The following WDR82 variants were observed in gnomAD, a reference collection of about 807,000 sequenced individuals.
The protein encoded by WDR82 is WD repeat-containing protein 82.
Under a neutral mutation model 36.1 loss-of-function variants are expected in WDR82, and 8 were observed. The ratio of observed to expected loss-of-function variants is 0.22; its 90% CI spans 0.13 to 0.40. The LOEUF is 0.40. Among genes scored for constraint, WDR82 ranks in the 10% least tolerant of loss-of-function variants. WDR82 has a pLI of 1.00. For missense variants in WDR82, 185 were observed against 400.5 expected (o/e 0.46, Z 4.59); for synonymous variants, 129 against 137.8 (o/e 0.94, Z 0.45).
chr3:52,270,593 T>C lies in WDR82; in HGVS notation c.259+119A>G, dbSNP rs1042170369. ...GTCAAAACAATGCAATTAACATTACTAACATTATATGAAAATACTTAAACT... is the reference window on the plus strand; with the variant it reads ...GTCAAAACAATGCAATTAACATTACCAACATTATATGAAAATACTTAAACT... On this transcript the variant is annotated intron_variant, in intron 2 of 8. Coordinates refer to ENST00000296490, the MANE Select transcript of WDR82 (RefSeq NM_025222.4). The C allele has an allele frequency of 3.6e-5, 28 of 778,948 alleles. No homozygotes were observed. The African/African-American group carries it at 4.8e-4, about 13-fold the overall frequency. 48.3% of individuals were successfully genotyped at this position (778,948 alleles called of 1,614,324 possible).
chr3:52,259,180 G>A lies in WDR82; in HGVS notation c.769+17C>T, dbSNP rs746424098. 5 of 1,611,918 alleles carry A rather than the reference G, an allele frequency of 3.1e-6. No individual in the cohort carries two copies. The South Asian group carries it at 5.5e-5, about 18-fold the overall frequency. ...TACCAGAGAAATAACCCCCACAGGGGATAAAAGGAAACTCACCAATCATAA... is the reference window on the plus strand; with the variant it reads ...TACCAGAGAAATAACCCCCACAGGGAATAAAAGGAAACTCACCAATCATAA... On this transcript the variant is annotated intron_variant, in intron 7 of 8. Coordinates refer to ENST00000296490, the MANE Select transcript of WDR82 (RefSeq NM_025222.4).
intron 2 of WDR82, among the ~76,000 whole-genome samples, chr3:52,270,402 G>A (rs561022032): frequency 6.6e-6 from 1 of 152,210 alleles, no homozygotes; most frequent in South Asian, 2.1e-4. Flanking sequence ...ATAGGCGCGA[G>A]CCCCTACGCC....
In WDR82 at chr3:52,255,259, C is replaced by T. The variant is rs1206336812; in HGVS notation, c.*2231G>A. ...GCCCAGCCTTGAGGTGGCATGTTTT[C>T]AAAGAACATGGTGCTCAGTTTTGGA... On this transcript the variant is annotated 3_prime_UTR_variant, in exon 9 of 9. Transcript: ENST00000296490. 1 of 25,352 alleles carries T rather than the reference C, an allele frequency of 3.9e-5. No individual in the cohort carries two copies. Among genetic ancestry groups the T allele is most frequent in the African/African-American group, 1.5e-4 (1 of 6,478 alleles). The allele number at this position is 25,352 out of a possible 1,614,324, so 1.6% of individuals were successfully genotyped here. A position where few individuals can be genotyped will look rare whatever the true frequency, so the allele number is the denominator to read the frequency against.
intron 2 of WDR82, chr3:52,267,833 A>G (rs982433247): frequency 1.3e-5 from 2 of 153,238 alleles, no homozygotes; most frequent in African/African-American, 4.8e-5. Flanking sequence ...GCAAAATAGA[A>G]AAGTATTATC....
intron 2 of WDR82, chr3:52,267,395 T>C: frequency 4.9e-6 from 1 of 203,250 alleles, no homozygotes; most frequent in South Asian, 7.1e-5. Context: ...TGGCAAACCT[T>C]AAAGAAAAAT....
rs868429404 is a variant in WDR82 at position 52,260,481 on chromosome 3, C to T, written c.447G>A (p.Gly149=). The change falls in exon 5 of 9, where the codon GGG becomes GGA. Residue 149 remains glycine, a synonymous_variant. Transcript: ENST00000296490. Reference sequence around the variant, plus strand: ...CTGGATCAAAAGAACAAACTGGCTTCCCCTGCAGATGCATGAGGCCCTAAG... The same window carrying T: ...CTGGATCAAAAGAACAAACTGGCTTTCCCTGCAGATGCATGAGGCCCTAAG... ...PNCQGLMHLQ[G]KPVCSFDPEG... The T allele has an allele frequency of 1.3e-6, 2 of 1,588,996 alleles. No homozygotes were observed. Among genetic ancestry groups the T allele is most frequent in the Middle Eastern group, 3.3e-4 (2 of 5,988 alleles).
chr3:52,267,191 G>A, intron 2 of WDR82, 173 bp from the exon 3 acceptor site: 1 of 454,334 alleles, frequency 2.2e-6, no homozygotes, highest in Non-Finnish European at 4.0e-6. Flanking sequence ...TGGGTATGTA[G>A]ATTTCACCTA....
chr3:52,259,605 C>A, intron 6 of WDR82, 112 bp downstream of exon 6: 1 of 1,290,800 alleles, frequency 7.7e-7, no homozygotes, highest in Admixed American at 2.3e-5. Context: ...CAAGTGCATG[C>A]CTTCATGAGT....
intron 1 of WDR82, among the ~76,000 whole-genome samples, chr3:52,276,123 A>T (rs1036317823): frequency 2.0e-5 from 3 of 152,194 alleles, no homozygotes; most frequent in African/African-American, 7.2e-5. Flanking sequence ...TCACAAAACT[A>T]GCATTTTACT....
chr3:52,278,507 C>G lies in WDR82; in HGVS notation c.-146G>C, dbSNP rs959219918. ...TCGGCCAACAGTTGGGCCGCCTCCT[C>G]CTCTTCTTCCTGCTTGGTCGAGGGT... On this transcript the variant is annotated 5_prime_UTR_variant, in exon 1 of 9. Coordinates refer to ENST00000296490, the MANE Select transcript of WDR82 (RefSeq NM_025222.4). 3.2e-6 allele frequency: 2 copies of G among 630,402 alleles called. No homozygotes were observed. Among genetic ancestry groups the G allele is most frequent in the African/African-American group, 3.8e-5 (2 of 52,632 alleles). 39.1% of individuals were successfully genotyped at this position (630,402 alleles called of 1,614,324 possible).
rs1699987240 is a variant in WDR82, at chr3:52,254,555, AGGG to A, written c.*2932_*2934del. ...CAAAAATCTATGCACAGAAATGTCT[AGGG>A]GGAACATTTAACACCAAAAGATTAA... On this transcript the variant is annotated 3_prime_UTR_variant, in exon 9 of 9. Coordinates refer to ENST00000296490, the MANE Select transcript of WDR82 (RefSeq NM_025222.4). The A allele has an allele frequency of 6.5e-6, 1 of 152,678 alleles. No homozygotes were observed. Among genetic ancestry groups the A allele is most frequent in the African/African-American group, 2.4e-5 (1 of 41,464 alleles). The allele number at this position is 152,678 out of a possible 1,614,324, so 9.5% of individuals were successfully genotyped here.
intron 1 of WDR82, 163 bp downstream of exon 1, chr3:52,278,038 T>A: frequency 1.9e-6 from 1 of 514,230 alleles, no homozygotes; most frequent in Non-Finnish European, 3.1e-6. Context: ...AAGAAAAAAA[T>A]AAAAGGTCTC....
chr3:52,259,618 G>T, intron 6 of WDR82, 99 bp downstream of exon 6: 1 of 1,415,982 alleles, frequency 7.1e-7, no homozygotes, highest in South Asian at 1.4e-5. Flanking sequence ...TCATGAGTAA[G>T]TCAAGAGTAA....
chr3:52,270,852 C>G (rs1368759272), intron 1 of WDR82, 43 bp from the exon 2 acceptor site: 1 of 1,454,630 alleles, frequency 6.9e-7, no homozygotes, highest in Admixed American at 2.0e-5. Context: ...CATTCTCCAT[C>G]ATCAAAATCT....
chr3:52,272,110 A>G (rs536780356), intron 1 of WDR82, among the ~76,000 whole-genome samples: 3 of 152,250 alleles, frequency 2.0e-5, no homozygotes, highest in African/African-American at 7.2e-5. Flanking sequence ...AAAAAATCAC[A>G]CATTTCCAAG....
Position 52,257,532 on chromosome 3 carries a change from C to G in WDR82, c.913-13G>C. 14 of 1,614,096 alleles carry G rather than the reference C, an allele frequency of 8.7e-6. No homozygotes were observed. The highest frequency in any genetic ancestry group is 1.2e-5 in the Non-Finnish European group (14 of 1,180,020). ...GCAACCAAAAGGCCTAGAAGGAGAA[C>G]ATAAATCAACTTTAAAAAGCCAAGC... On this transcript the variant is annotated splice_polypyrimidine_tract_variant and intron_variant, in intron 8 of 8. Transcript: ENST00000296490.
chr3:52,258,828 G>A, intron 7 of WDR82, 150 bp from the exon 8 acceptor site: 1 of 1,091,836 alleles, frequency 9.2e-7, no homozygotes, highest in Non-Finnish European at 1.3e-6. Flanking sequence ...AGTGAAGGAA[G>A]GACACTTTGG....
intron 1 of WDR82, among the ~76,000 whole-genome samples, chr3:52,272,828 T>A (rs1419386890): frequency 6.6e-6 from 1 of 152,234 alleles, no homozygotes; most frequent in Non-Finnish European, 1.5e-5. Flanking sequence ...GTCAGTTATT[T>A]GCACTTTCAA....
intron 1 of WDR82, among the ~76,000 whole-genome samples, chr3:52,276,912 G>A (rs1700207998): frequency 6.6e-6 from 1 of 151,798 alleles, no homozygotes; most frequent in African/African-American, 2.4e-5. Context: ...AAAAAAACTG[G>A]GGGGATACCA....
Sources: allele counts gnomAD v4.1 joint callset (sites outside exome capture counted in the v4.1 genomes callset), GRCh38; gene constraint gnomAD v4.1.1; transcripts MANE v1.5; gene names NCBI Gene and HGNC (gene_info 2026-07-23, HGNC 2026-07-21).